Variants in PIP5K1C observed in about 807,000 individuals in gnomAD.
PIP5K1C encodes the protein phosphatidylinositol 4-phosphate 5-kinase type-1 gamma.
In PIP5K1C, 45 loss-of-function variants were observed where a neutral mutation model predicts 80.1. The ratio of observed to expected loss-of-function variants is 0.56; its 90% CI spans 0.44 to 0.72. The LOEUF (loss-of-function observed/expected upper bound fraction) is 0.72. Among genes scored for constraint, PIP5K1C ranks in the 30% least tolerant of loss-of-function variants. PIP5K1C has a pLI of 0.00. For synonymous variants in PIP5K1C, 498 were observed against 420.1 expected, an observed-to-expected ratio of 1.19 and a Z score of -2.27; for missense variants, 753 against 954.6, an observed-to-expected ratio of 0.79 and a Z score of 2.78.
At position 3,646,023 on chromosome 19, in the gene PIP5K1C, G is replaced by A. The variant is rs373078678; in HGVS notation, c.1296C>T (p.Ala432=). The change falls in exon 11 of 18, where the codon GCC becomes GCT. Residue 432 remains alanine, a synonymous_variant. Transcript: ENST00000335312. ...TGCTCATGAACTTGAAAAAGCGCTC[G>A]GCATAGAAGCTGGGGCGGTGGACGG... The part of the protein sequence containing the change: ...TVSVHRPSFY[A]ERFFKFMSNT... 123 of 1,613,188 alleles carry A rather than the reference G, an allele frequency of 7.6e-5. 1 individual carries two copies. Among genetic ancestry groups the A allele is most frequent in the Non-Finnish European group, 7.6e-5 (90 of 1,179,920 alleles).
At chr19:3,659,387 C>A (rs1162142486) in intron 5 of PIP5K1C, among the ~76,000 whole-genome samples, 1 of 152,250 alleles carries the variant, frequency 6.6e-6, no homozygotes, top group Non-Finnish European at 1.5e-5. Flanking sequence ...CACACCTGGC[C>A]TAAGGCCCTG....
At chr19:3,662,156 C>T (rs1036342871) in intron 3 of PIP5K1C, among the ~76,000 whole-genome samples, 155 bp from the exon 4 acceptor site, 3 of 152,196 alleles carry the variant, frequency 2.0e-5, no homozygotes, top group African/African-American at 7.2e-5. Flanking sequence ...GCCTGTCCTG[C>T]GGCTGCTGAG....
chr19:3,664,386 C>A (rs1264645219), intron 3 of PIP5K1C, among the ~76,000 whole-genome samples: 5 of 152,012 alleles, frequency 3.3e-5, no homozygotes, highest in Non-Finnish European at 7.4e-5. Context: ...AAAACGGTTA[C>A]TTTTGAAAAA....
chr19:3,647,745 A>C lies in PIP5K1C; in HGVS notation c.1212-359T>G, dbSNP rs12984738. ...GCAGATCACCTGAGATCAGGAGTTC[A>C]AGACCAGCCTGGCCAACATGGTGAA... On this transcript the variant is annotated intron_variant, in intron 9 of 17. Transcript: ENST00000335312. Among the ~76,000 whole-genome samples the C allele has an allele frequency of 2.4e-3, 368 of 152,004 alleles. 1 individual carries two copies. The highest frequency in any genetic ancestry group is 8.7e-3 in the African/African-American group (359 of 41,466).
chr19:3,649,130 G>A (rs55704708), intron 8 of PIP5K1C, among the ~76,000 whole-genome samples: 2 of 60,412 alleles, frequency 3.3e-5, no homozygotes, highest in Non-Finnish European at 6.3e-5. Flanking sequence ...CACGTCCCCT[G>A]CCCAGCGCGG....
intron 1 of PIP5K1C, among the ~76,000 whole-genome samples, chr19:3,684,075 T>C (rs781562606): frequency 1.1e-4 from 16 of 151,612 alleles, no homozygotes; most frequent in Non-Finnish European, 2.4e-4. Flanking sequence ...GATGCTTCGG[T>C]GCCTGGAGCA....
chr19:3,648,816 C>T lies in PIP5K1C; in HGVS notation c.1128-108G>A. The T allele has an allele frequency of 4.5e-6, 4 of 895,306 alleles. No individual in the cohort carries two copies. Among genetic ancestry groups the T allele is most frequent in the Non-Finnish European group, 7.2e-6 (4 of 552,600 alleles). 55.5% of individuals were successfully genotyped at this position (895,306 alleles called of 1,614,324 possible). On this transcript the variant is annotated intron_variant, in intron 8 of 17. Coordinates refer to ENST00000335312, the MANE Select transcript of PIP5K1C (RefSeq NM_012398.3). This position sits in a 1 kb window ranked among gnomAD's most constrained non-coding sequence, Gnocchi z 4.3. Reference sequence around the variant, plus strand: ...GGAGTCCATCTGCTCCTGTGGGTGGCAACTTGGCCAAGCTCTCGGAGTGGG... The same window carrying T: ...GGAGTCCATCTGCTCCTGTGGGTGGTAACTTGGCCAAGCTCTCGGAGTGGG...
At chr19:3,690,445 T>C (rs540160639) in intron 1 of PIP5K1C, among the ~76,000 whole-genome samples, 3 of 149,516 alleles carry the variant, frequency 2.0e-5, no homozygotes, top group South Asian at 4.2e-4. Context: ...ATCGTGTCAC[T>C]GAACTCTAGC....
At chr19:3,634,021 C>T (rs10405681) in intron 16 of PIP5K1C, among the ~76,000 whole-genome samples, 126,772 of 152,112 alleles carry the variant, frequency 0.83, 53,182 homozygotes, top group East Asian at 0.93. Flanking sequence ...TGGCTGCCTG[C>T]GGGCAGGGCC....
At chr19:3,693,890 G>A (rs1486388329) in intron 1 of PIP5K1C, among the ~76,000 whole-genome samples, 1 of 152,108 alleles carries the variant, frequency 6.6e-6, no homozygotes, top group African/African-American at 2.4e-5. Flanking sequence ...ACAACATAGT[G>A]AGACCTCACC....
intron 1 of PIP5K1C, chr19:3,673,661 G>C (rs1388934412): frequency 6.6e-6 from 1 of 152,290 alleles, no homozygotes; most frequent in Non-Finnish European, 1.5e-5. Flanking sequence ...CCACAAGCAG[G>C]AAGCAACCCC....
At chr19:3,656,784 G>A (rs1191401145) in intron 5 of PIP5K1C, among the ~76,000 whole-genome samples, 5 of 152,206 alleles carry the variant, frequency 3.3e-5, no homozygotes, top group East Asian at 1.9e-4. Context: ...CTGCTAGGGC[G>A]CACTCCCCAG....
intron 6 of PIP5K1C, 75 bp from the exon 7 acceptor site, chr19:3,653,664 G>A (rs1599972002): frequency 3.7e-6 from 5 of 1,366,160 alleles, no homozygotes; most frequent in Non-Finnish European, 5.0e-6. Flanking sequence ...GCAGGCCTCT[G>A]CCTCAGGGGG....
intron 15 of PIP5K1C, among the ~76,000 whole-genome samples, chr19:3,640,545 C>A (rs182368898): frequency 1.3e-5 from 2 of 152,100 alleles, no homozygotes; most frequent in African/African-American, 4.8e-5. Context: ...GCAGCTGACA[C>A]CATATCCCCA....
chr19:3,689,180 CGCACCCA>C (rs750857799), intron 1 of PIP5K1C, among the ~76,000 whole-genome samples: 4 of 152,056 alleles, frequency 2.6e-5, no homozygotes, highest in Non-Finnish European at 5.9e-5. Context: ...TGTGAGCCAC[CGCACCCA>C]GCCCTAAAAT....
Position 3,637,828 on chromosome 19 carries a change from G to A in PIP5K1C, c.1920+1056C>T. The A allele has an allele frequency of 2.0e-6, 3 of 1,535,288 alleles. No individual in the cohort carries two copies. Among genetic ancestry groups the A allele is most frequent in the Non-Finnish European group, 2.6e-6 (3 of 1,146,694 alleles). ...TGCTGCCCACCTGGCAGGGCATCAG[G>A]ACACAGACACACAGCACGACATGGC... On this transcript the variant is annotated intron_variant, in intron 16 of 17. Coordinates refer to ENST00000335312, the MANE Select transcript of PIP5K1C (RefSeq NM_012398.3). This position sits in a 1 kb window ranked among gnomAD's most constrained non-coding sequence, Gnocchi z 7.0.
In PIP5K1C at chr19:3,688,616, C is replaced by CG. The variant is rs918969946; in HGVS notation, c.94+11680_94+11681insC. Among the ~76,000 whole-genome samples, 4 of 115,210 alleles carry CG rather than the reference C, an allele frequency of 3.5e-5. No homozygotes were observed. The highest frequency in any genetic ancestry group is 1.7e-4 in the African/African-American group (4 of 23,348). The allele number at this position is 115,210 out of a possible 152,430, so 75.6% of individuals were successfully genotyped here. On this transcript the variant is annotated intron_variant, in intron 1 of 17. Transcript: ENST00000335312. This position sits in a 1 kb window ranked among gnomAD's most constrained non-coding sequence, Gnocchi z 5.3. ...GCTGGTGATTCTGCTGCTGAAATTGCCCCCCCAGGCATTGTCCTCAGGTGG... is the reference window on the plus strand; with the variant it reads ...GCTGGTGATTCTGCTGCTGAAATTGCGCCCCCCAGGCATTGTCCTCAGGTGG...
At chr19:3,695,209 C>G (rs938515276) in intron 1 of PIP5K1C, among the ~76,000 whole-genome samples, 1 of 152,216 alleles carries the variant, frequency 6.6e-6, no homozygotes, top group Non-Finnish European at 1.5e-5. Context: ...CTGGCCCACA[C>G]GAGGTGCTCA....
chr19:3,687,053 C>T (rs904739160), intron 1 of PIP5K1C, among the ~76,000 whole-genome samples: 1 of 152,088 alleles, frequency 6.6e-6, no homozygotes, highest in African/African-American at 2.4e-5. Context: ...ATTAGCCGGG[C>T]ATAGTGGTGC....
Sources: allele counts gnomAD v4.1 joint callset (sites outside exome capture counted in the v4.1 genomes callset), GRCh38; gene constraint gnomAD v4.1.1; non-coding constraint Gnocchi (gnomAD v3.1); transcripts MANE v1.5; gene names NCBI Gene and HGNC (gene_info 2026-07-23, HGNC 2026-07-21).